The following GPC5 variants were observed in gnomAD, a reference collection of about 807,000 sequenced individuals.
GPC5 encodes glypican 5, also known as glypican-5.
GPC5 carries 47 observed loss-of-function variants against 53.9 expected under a neutral mutation model. The observed-to-expected ratio is 0.87, with a 90% CI of 0.69 to 1.11. GPC5 has a LOEUF of 1.11. GPC5 is among the 50% of genes most tolerant of loss of function. GPC5 has a pLI of 0.00. For synonymous variants in GPC5, 286 were observed against 263.3 expected (o/e 1.09, Z -0.84); for missense variants, 748 against 713.1 (o/e 1.05, Z -0.56).
At chr13:92,643,164 T>C (rs1387556826) in intron 7 of GPC5, among the ~76,000 whole-genome samples, 1 of 152,090 alleles carries the variant, frequency 6.6e-6, no homozygotes, top group African/African-American at 2.4e-5. Flanking sequence ...TTTTCTCCCA[T>C]TTTGTAGGTT....
intron 7 of GPC5, among the ~76,000 whole-genome samples, chr13:92,432,013 G>A (rs183169975): frequency 1.0e-3 from 158 of 152,280 alleles, no homozygotes; most frequent in African/African-American, 3.8e-3. Flanking sequence ...ATATGTTAAA[G>A]CCCCAATGTG....
rs75423208 is a variant in GPC5 at position 91,510,961 on chromosome 13, T to G, written c.325+62039T>G. On this transcript the variant is annotated intron_variant, in intron 2 of 7. Coordinates refer to ENST00000377067, the MANE Select transcript of GPC5 (RefSeq NM_004466.6). Reference sequence around the variant, plus strand: ...GCATAACTAGATACCAGTATTTTCCTTTGATTTTTTTATACTGTACTGCTT... The same window carrying G: ...GCATAACTAGATACCAGTATTTTCCGTTGATTTTTTTATACTGTACTGCTT... Among the ~76,000 whole-genome samples, 1,049 of 152,274 alleles carry G rather than the reference T, an allele frequency of 6.9e-3. 6 individuals carry two copies. Among genetic ancestry groups the G allele is most frequent in the Middle Eastern group, 0.017 (5 of 294 alleles).
intron 6 of GPC5, among the ~76,000 whole-genome samples, chr13:92,142,459 C>T (rs189447508): frequency 2.0e-5 from 3 of 152,206 alleles, no homozygotes; most frequent in African/African-American, 7.2e-5. Flanking sequence ...AATTTGAGTT[C>T]ATGTGCCTCA....
intron 7 of GPC5, among the ~76,000 whole-genome samples, chr13:92,573,708 T>C (rs939098079): frequency 5.3e-5 from 8 of 152,174 alleles, no homozygotes; most frequent in African/African-American, 1.9e-4. Context: ...CAACTGATCA[T>C]AGCTCCTACC....
At chr13:92,341,255 A>G (rs192628042) in intron 7 of GPC5, among the ~76,000 whole-genome samples, 153 of 152,262 alleles carry the variant, frequency 1.0e-3, no homozygotes, top group African/African-American at 3.3e-3. Flanking sequence ...GGTGTTTCAC[A>G]ATAAACTTTA....
At chr13:92,615,691 T>A (rs1690536582) in intron 7 of GPC5, among the ~76,000 whole-genome samples, 1 of 152,162 alleles carries the variant, frequency 6.6e-6, no homozygotes, top group African/African-American at 2.4e-5. Flanking sequence ...TATTTCAGTT[T>A]AAGTCTCCAA....
At chr13:92,246,582 AT>A (rs2042652481) in intron 7 of GPC5, among the ~76,000 whole-genome samples, 1 of 152,126 alleles carries the variant, frequency 6.6e-6, no homozygotes, top group Non-Finnish European at 1.5e-5. Context: ...AAAACTCATC[AT>A]CATTTCCTAC....
chr13:91,462,774 C>T (rs1395092190), intron 2 of GPC5, among the ~76,000 whole-genome samples: 1 of 152,024 alleles, frequency 6.6e-6, no homozygotes, highest in Non-Finnish European at 1.5e-5. Context: ...ATTCTGATTT[C>T]TGATGTGCTT....
intron 7 of GPC5, among the ~76,000 whole-genome samples, chr13:92,783,015 A>G (rs1280471775): frequency 6.6e-6 from 1 of 152,156 alleles, no homozygotes; most frequent in African/African-American, 2.4e-5. Context: ...ATAAACTTCA[A>G]TATTTTACTA....
chr13:92,603,043 C>G (rs568942837), intron 7 of GPC5, among the ~76,000 whole-genome samples: 1 of 152,188 alleles, frequency 6.6e-6, no homozygotes, highest in Non-Finnish European at 1.5e-5. Context: ...AGCCTATGTA[C>G]ATAGTGTCTA....
intron 5 of GPC5, among the ~76,000 whole-genome samples, chr13:91,902,659 G>T (rs550004570): frequency 2.2e-4 from 33 of 152,090 alleles, no homozygotes; most frequent in African/African-American, 7.5e-4. Flanking sequence ...TCCATTACTT[G>T]TACCTTAAAA....
chr13:92,046,758 A>G (rs956380468), intron 6 of GPC5, among the ~76,000 whole-genome samples: 1 of 152,188 alleles, frequency 6.6e-6, no homozygotes, highest in African/African-American at 2.4e-5. Flanking sequence ...TGAAGATAGA[A>G]TTTTACATCA....
intron 6 of GPC5, among the ~76,000 whole-genome samples, chr13:92,001,140 C>T (rs951286122): frequency 1.4e-4 from 21 of 152,140 alleles, no homozygotes; most frequent in Admixed American, 1.2e-3. Flanking sequence ...TTTGTTTAAG[C>T]AAAGCAAAGA....
At chr13:92,181,053 CAATT>C (rs1286534686) in intron 7 of GPC5, among the ~76,000 whole-genome samples, 3 of 152,076 alleles carry the variant, frequency 2.0e-5, no homozygotes, top group African/African-American at 7.2e-5. Context: ...AAACAAAAAT[CAATT>C]AATCCCCACT....
At chr13:92,213,417 T>G (rs1241001815) in intron 7 of GPC5, among the ~76,000 whole-genome samples, 3 of 152,124 alleles carry the variant, frequency 2.0e-5, no homozygotes, top group Non-Finnish European at 4.4e-5. Context: ...ACAGAAAATT[T>G]TTATGTTTTC....
intron 7 of GPC5, among the ~76,000 whole-genome samples, chr13:92,729,460 A>T (rs1388716777): frequency 1.3e-5 from 2 of 151,450 alleles, no homozygotes; most frequent in Non-Finnish European, 3.0e-5. Context: ...TGATATTTGA[A>T]TATATCAAGT....
intron 7 of GPC5, among the ~76,000 whole-genome samples, chr13:92,475,965 T>C (rs1408723694): frequency 6.6e-6 from 1 of 152,200 alleles, no homozygotes; most frequent in Middle Eastern, 3.4e-3. Flanking sequence ...GGCATTACCA[T>C]TCAGGACATA....
At chr13:91,478,420 G>C (rs1245928482) in intron 2 of GPC5, among the ~76,000 whole-genome samples, 2 of 151,772 alleles carry the variant, frequency 1.3e-5, no homozygotes, top group African/African-American at 4.8e-5. Context: ...AAAATGTAAA[G>C]AGAAATAAAT....
intron 2 of GPC5, among the ~76,000 whole-genome samples, chr13:91,538,625 C>G (rs1300748217): frequency 1.3e-5 from 2 of 150,510 alleles, no homozygotes; most frequent in Admixed American, 6.6e-5. Flanking sequence ...CTCTGTCCCC[C>G]AGGCTGGAGT....
Sources: allele counts gnomAD v4.1 joint callset (sites outside exome capture counted in the v4.1 genomes callset), GRCh38; gene constraint gnomAD v4.1.1; transcripts MANE v1.5; gene names NCBI Gene and HGNC (gene_info 2026-07-23, HGNC 2026-07-21).